ZNF280C: variants seen among roughly 807,000 people sequenced by gnomAD.
ZNF280C encodes the protein zinc finger protein 280C, also known as suppressor of hairy wing homolog 3.
A neutral mutation model predicts 53.6 loss-of-function variants in ZNF280C; 14 were observed. The ratio of observed to expected loss-of-function variants is 0.26; its 90% CI spans 0.17 to 0.41. The LOEUF is 0.41. Ranked by LOEUF, ZNF280C falls within the 10% of genes least tolerant of loss-of-function variation. The pLI is 1.00. For missense variants in ZNF280C, 416 were observed against 547.1 expected, an observed-to-expected ratio of 0.76 and a Z score of 2.39; for synonymous variants, 203 against 181.1, an observed-to-expected ratio of 1.12 and a Z score of -0.97.
intron 16 of ZNF280C, 124 bp downstream of exon 16, chrX:130,209,529 C>T: frequency 3.4e-6 from 2 of 584,780 alleles, no homozygotes; most frequent in Non-Finnish European, 5.6e-6. Context: ...GCTATCCCTC[C>T]AACTTTGGTC....
rs745872570 is a variant in ZNF280C at position 130,223,288 on chromosome X, C to CCTCA, written c.1396-2812_1396-2809dup. 2.7e-5 allele frequency among the ~76,000 whole-genome samples: 3 copies of CCTCA among 111,578 alleles called. No homozygotes were observed. In the Admixed American group the frequency reaches 2.8e-4, roughly 11 times the overall value. On this transcript the variant is annotated intron_variant, in intron 12 of 18. Transcript: ENST00000370978. The stretch of plus-strand genomic sequence containing the variant: ...GGCCAGGCTAGTCTCAAACTCCTGG[C>CCTCA]CTCAGGTGATCCGCCTGCCTTGGCC...
At chrX:130,242,696 C>T (rs752815881) in intron 5 of ZNF280C, among the ~76,000 whole-genome samples, 1 of 111,585 alleles carries the variant, frequency 9.0e-6, no homozygotes, top group Admixed American at 9.5e-5. Context: ...TGCGCCAACA[C>T]GCCTGGCTAA....
chrX:130,209,629 G>GAAAA, intron 16 of ZNF280C, 24 bp downstream of exon 16: 1 of 1,062,421 alleles, frequency 9.4e-7, no homozygotes, highest in Non-Finnish European at 1.3e-6. Context: ...TCAATTGAAA[G>GAAAA]AAAAAAAAAA....
At chrX:130,216,156 T>A in intron 13 of ZNF280C, 55 bp from the exon 14 acceptor site, 1 of 1,020,638 alleles carries the variant, frequency 9.8e-7, no homozygotes, top group Non-Finnish European at 1.3e-6. Flanking sequence ...GCATTAGTAT[T>A]AAAAATATCA....
chrX:130,217,877 A>T lies in ZNF280C; in HGVS notation c.1528-1776T>A, dbSNP rs1352237447. 8.9e-5 allele frequency among the ~76,000 whole-genome samples: 10 copies of T among 112,485 alleles called. No individual in the cohort carries two copies. In the Admixed American group the frequency reaches 9.4e-4, roughly 11 times the overall value. ...TTCCATAGCTATTTTATGCTTTGAT[A>T]GAATTAAAAAGGGCTGGGTGTGGTG... On this transcript the variant is annotated intron_variant, in intron 13 of 18. Transcript: ENST00000370978.
intron 1 of ZNF280C, among the ~76,000 whole-genome samples, chrX:130,260,697 C>T (rs2032622050): frequency 8.9e-6 from 1 of 111,820 alleles, no homozygotes; most frequent in South Asian, 3.7e-4. Flanking sequence ...TAAATTTAGT[C>T]TTTTTCTCCT....
chrX:130,232,695 T>C (rs1413385601), intron 8 of ZNF280C, among the ~76,000 whole-genome samples: 1 of 112,041 alleles, frequency 8.9e-6, no homozygotes, highest in Admixed American at 9.5e-5. Context: ...TAAGTGTTGA[T>C]AAGAATGTGG....
In ZNF280C at chrX:130,204,269, A is replaced by G. The variant is rs1312907729; in HGVS notation, c.*708T>C. On this transcript the variant is annotated 3_prime_UTR_variant, in exon 19 of 19. Coordinates refer to ENST00000370978, the MANE Select transcript of ZNF280C (RefSeq NM_017666.5). ...GTTAGAATCGACCCATAAGCTTAAG[A>G]TCAAAAGCCAAAGCTCCCAATGGGA... The G allele has an allele frequency of 8.9e-6, 1 of 112,486 alleles. No homozygotes were observed. Among genetic ancestry groups the G allele is most frequent in the Admixed American group, 9.5e-5 (1 of 10,552 alleles). The allele number at this position is 112,486 out of a possible 1,213,427, so 9.3% of individuals were successfully genotyped here.
intron 8 of ZNF280C, among the ~76,000 whole-genome samples, chrX:130,232,307 A>AC (rs2032285909): frequency 1.6e-5 from 1 of 62,115 alleles, no homozygotes; most frequent in African/African-American, 1.6e-4. Context: ...ACTGATCCTA[A>AC]TTGGAATACT....
Position 130,202,879 on chromosome X carries a change from G to A in ZNF280C, c.*2098C>T, listed in dbSNP as rs1164152388. On this transcript the variant is annotated 3_prime_UTR_variant, in exon 19 of 19. Coordinates refer to ENST00000370978, the MANE Select transcript of ZNF280C (RefSeq NM_017666.5). ...CTATATATATATGAGCAAGAAACAA[G>A]TGCATTTTTTGGTCCCAATATTTTT... 2 of 111,211 alleles carry A rather than the reference G, an allele frequency of 1.8e-5. No homozygotes were observed. The highest frequency in any genetic ancestry group is 5.6e-4 in the East Asian group (2 of 3,584). 9.2% of individuals were successfully genotyped at this position (111,211 alleles called of 1,213,427 possible).
chrX:130,265,247 T>C (rs1329817622), intron 1 of ZNF280C, among the ~76,000 whole-genome samples: 1 of 112,144 alleles, frequency 8.9e-6, no homozygotes, highest in Non-Finnish European at 1.9e-5. Flanking sequence ...CTCACTAGCA[T>C]AATACTTTGC....
At position 130,243,824 on chromosome X, in the gene ZNF280C, T is replaced by A; in HGVS notation, c.220A>T (p.Ile74Leu). The change falls in exon 4 of 19, where the codon ATA becomes TTA. Residue 74 changes from isoleucine (I) to leucine (L), a missense_variant. Coordinates refer to ENST00000370978, the MANE Select transcript of ZNF280C (RefSeq NM_017666.5). The part of the protein sequence containing the change: ...RGHSSSSSKG[I>L]KSEPHSPGIP... Reference sequence around the variant, plus strand: ...CCTGGACTGTGTGGCTCACTCTTTATTCCTTTTGAAGATGAGCTGGAGTGG... The same window carrying A: ...CCTGGACTGTGTGGCTCACTCTTTAATCCTTTTGAAGATGAGCTGGAGTGG... 1 of 1,186,336 alleles carries A rather than the reference T, an allele frequency of 8.4e-7. No individual in the cohort carries two copies. Among genetic ancestry groups the A allele is most frequent in the Non-Finnish European group, 1.1e-6 (1 of 882,067 alleles).
At chrX:130,258,700 A>G (rs1437818171) in intron 2 of ZNF280C, among the ~76,000 whole-genome samples, 1 of 112,423 alleles carries the variant, frequency 8.9e-6, no homozygotes, top group Non-Finnish European at 1.9e-5. Context: ...TGAATACTTG[A>G]AAATACCGCA....
intron 2 of ZNF280C, among the ~76,000 whole-genome samples, chrX:130,255,877 C>T (rs968907849): frequency 8.9e-6 from 1 of 111,983 alleles, no homozygotes; most frequent in Non-Finnish European, 1.9e-5. Context: ...ATCGCCTCAA[C>T]CCAGGAGCCG....
Position 130,217,425 on chromosome X carries a change from GT to G in ZNF280C, c.1528-1325del, listed in dbSNP as rs751885447. Among the ~76,000 whole-genome samples, 21 of 112,245 alleles carry G rather than the reference GT, an allele frequency of 1.9e-4. 1 individual carries two copies. In the South Asian group the frequency reaches 7.7e-3, roughly 41 times the overall value. On this transcript the variant is annotated intron_variant, in intron 13 of 18. Transcript: ENST00000370978. ...CCATAGACACTAAAAGCAGACTAAA[GT>G]TTGCACAGGTCTAATGGAGGGGAAA...
At chrX:130,247,367 CA>C (rs1179851854) in intron 2 of ZNF280C, among the ~76,000 whole-genome samples, 1 of 111,454 alleles carries the variant, frequency 9.0e-6, no homozygotes, top group Non-Finnish European at 1.9e-5. Context: ...TTCAGCCTCC[CA>C]AAGTGCTGGG....
intron 16 of ZNF280C, among the ~76,000 whole-genome samples, chrX:130,206,574 G>A (rs780562221): frequency 1.5e-4 from 17 of 110,512 alleles, no homozygotes; most frequent in African/African-American, 4.9e-4. Context: ...CACTGTGTTA[G>A]CCAGGATGGT....
At chrX:130,242,281 C>T (rs1395720043) in intron 5 of ZNF280C, among the ~76,000 whole-genome samples, 1 of 111,104 alleles carries the variant, frequency 9.0e-6, no homozygotes, top group African/African-American at 3.3e-5. Context: ...TTGTGCCTAC[C>T]TCATAAAGAT....
At chrX:130,243,538 A>G (rs373563773) in intron 5 of ZNF280C, 25 bp downstream of exon 5, 18 of 1,191,254 alleles carry the variant, frequency 1.5e-5, no homozygotes, top group Non-Finnish European at 2.0e-5. Flanking sequence ...CCCTGAATTA[A>G]TTGTGTAATT....
Sources: gnomAD v4.1 joint callset for allele counts (sites outside exome capture counted in the v4.1 genomes callset) on GRCh38, gnomAD v4.1.1 for gene constraint, MANE v1.5 for transcripts, NCBI Gene and HGNC (gene_info 2026-07-23, HGNC 2026-07-21) for gene names.